FREM1: variants seen among roughly 807,000 people sequenced by gnomAD.
FREM1 encodes FRAS1 related extracellular matrix 1.
Under a neutral mutation model 210.1 loss-of-function variants are expected in FREM1, and 220 were observed. That is an observed-to-expected ratio of 1.05 (90% confidence interval 0.94 to 1.17). The LOEUF (loss-of-function observed/expected upper bound fraction) is 1.17, where lower values mean the gene tolerates loss of function less well. Among genes scored for constraint, FREM1 ranks in the 50% most tolerant of loss-of-function variants. FREM1 has a pLI of 0.00. For synonymous variants in FREM1, 1,189 were observed against 980.2 expected (o/e 1.21, Z -3.98); for missense variants, 3,454 against 2,675.5 (o/e 1.29, Z -6.42).
intron 30 of FREM1, among the ~76,000 whole-genome samples, chr9:14,749,405 T>G (rs1389430683): frequency 6.6e-6 from 1 of 151,658 alleles, no homozygotes; most frequent in Admixed American, 6.6e-5. Context: ...GAGAAGGGAA[T>G]AGATTCCAGG....
intron 10 of FREM1, among the ~76,000 whole-genome samples, chr9:14,828,818 G>A (rs1200076005): frequency 6.6e-6 from 1 of 152,096 alleles, no homozygotes; most frequent in Non-Finnish European, 1.5e-5. Flanking sequence ...GTTTACAAAT[G>A]AGTCTCTCTC....
intron 7 of FREM1, among the ~76,000 whole-genome samples, chr9:14,846,362 G>T (rs560795435): frequency 2.0e-5 from 3 of 152,224 alleles, no homozygotes; most frequent in African/African-American, 7.2e-5. Flanking sequence ...CCTGTTCGGG[G>T]GTAGAGGGGA....
At position 14,801,573 on chromosome 9, in the gene FREM1, T is replaced by G. The variant is rs1241529851; in HGVS notation, c.3694+79A>C. 3 of 995,830 alleles carry G rather than the reference T, an allele frequency of 3.0e-6. No individual in the cohort carries two copies. In the Admixed American group the frequency reaches 6.4e-5, roughly 21 times the overall value. 61.7% of individuals were successfully genotyped at this position (995,830 alleles called of 1,614,324 possible). On this transcript the variant is annotated intron_variant, in intron 20 of 36. Coordinates refer to ENST00000380880, the MANE Select transcript of FREM1 (RefSeq NM_001379081.2). ...ACTCTCTGCTTATATTAGTTTGACC[T>G]TTTTAGATTTCACATATAAGTATGG...
intron 36 of FREM1, among the ~76,000 whole-genome samples, chr9:14,738,521 A>G (rs1178810193): frequency 6.6e-6 from 1 of 152,156 alleles, no homozygotes; most frequent in Non-Finnish European, 1.5e-5. Flanking sequence ...GGATGTAGAG[A>G]AAACTTATCC....
intron 10 of FREM1, among the ~76,000 whole-genome samples, chr9:14,837,299 G>C (rs995860860): frequency 6.6e-6 from 1 of 152,100 alleles, no homozygotes; most frequent in Non-Finnish European, 1.5e-5. Flanking sequence ...TACCTGGCTG[G>C]TGTCCACCAT....
Position 14,813,035 on chromosome 9 carries a change from G to C in FREM1, c.2670C>G (p.Val890=). 6.2e-7 allele frequency: 1 copy of C among 1,612,172 alleles called. No individual in the cohort carries two copies. Among genetic ancestry groups the C allele is most frequent in the Non-Finnish European group, 8.5e-7 (1 of 1,178,604 alleles). Residue 890 remains valine (V), a synonymous_variant, in exon 16 of 37, where the codon GTC becomes GTG. Coordinates refer to ENST00000380880, the MANE Select transcript of FREM1 (RefSeq NM_001379081.2). ...EVFPVNDEPP[V]LKADLMPVMN... is the part of the protein sequence containing the mutation. Reference sequence around the variant, plus strand: ...TGACAGGCATGAGGTCAGCCTTTAAGACTGGTGGCTCATCGTTGACAGGGA... The same window carrying C: ...TGACAGGCATGAGGTCAGCCTTTAACACTGGTGGCTCATCGTTGACAGGGA...
intron 21 of FREM1, among the ~76,000 whole-genome samples, chr9:14,796,516 C>T (rs1045477033): frequency 1.3e-5 from 2 of 152,152 alleles, no homozygotes; most frequent in Non-Finnish European, 2.9e-5. Flanking sequence ...TGAGCACTTA[C>T]AGAGAGAGTG....
chr9:14,800,326 G>C (rs1853293791), intron 20 of FREM1, among the ~76,000 whole-genome samples: 1 of 152,104 alleles, frequency 6.6e-6, no homozygotes, highest in South Asian at 2.1e-4. Flanking sequence ...TACAGGCTGG[G>C]AAAAGAAAAC....
At position 14,797,614 on chromosome 9, in the gene FREM1, G is replaced by T; in HGVS notation, c.3723C>A (p.Asp1241Glu). 1 of 1,611,872 alleles carries T rather than the reference G, an allele frequency of 6.2e-7. No homozygotes were observed. The highest frequency in any genetic ancestry group is 8.5e-7 in the Non-Finnish European group (1 of 1,178,658). The change falls in exon 21 of 37, where the codon GAC (aspartate) becomes GAA (glutamate). Residue 1241 changes from aspartate (D) to glutamate (E), a missense_variant. Coordinates refer to ENST00000380880, the MANE Select transcript of FREM1 (RefSeq NM_001379081.2). ...TGMRLTYMHD[D>E]SESLADDFTI... ...TAAAATCATCAGCAAGGCTCTCTGA[G>T]TCATCATGCATGTACGTCAACCTCA...
intron 21 of FREM1, among the ~76,000 whole-genome samples, chr9:14,796,761 G>C (rs918101101): frequency 2.0e-5 from 3 of 152,154 alleles, no homozygotes; most frequent in Non-Finnish European, 4.4e-5. Context: ...GGATGTGTTT[G>C]CTTCCTCTTC....
At chr9:14,844,390 T>C (rs573791501) in intron 8 of FREM1, among the ~76,000 whole-genome samples, 2 of 152,230 alleles carry the variant, frequency 1.3e-5, no homozygotes, top group East Asian at 3.9e-4. Flanking sequence ...CATGCCGGGC[T>C]ATTTTTATGT....
chr9:14,747,093 A>C, intron 33 of FREM1, 42 bp from the exon 34 acceptor site: 1 of 1,612,348 alleles, frequency 6.2e-7, no homozygotes, highest in Non-Finnish European at 8.5e-7. Flanking sequence ...GAATTGACTT[A>C]AGGAAAGTTG....
chr9:14,882,807 G>C (rs1366496006), intron 1 of FREM1, among the ~76,000 whole-genome samples: 2 of 149,970 alleles, frequency 1.3e-5, no homozygotes, highest in African/African-American at 4.9e-5. Flanking sequence ...TTCAAAAATG[G>C]GAGGCTGAAG....
intron 16 of FREM1, among the ~76,000 whole-genome samples, chr9:14,810,504 T>G (rs752811110): frequency 7.6e-4 from 115 of 152,254 alleles, no homozygotes; most frequent in Middle Eastern, 3.4e-3. Flanking sequence ...CAGGTTGGAG[T>G]GCAGTGGCAT....
At chr9:14,812,179 A>G (rs570164564) in intron 16 of FREM1, among the ~76,000 whole-genome samples, 72 of 152,332 alleles carry the variant, frequency 4.7e-4, no homozygotes, top group African/African-American at 1.7e-3. Flanking sequence ...GCTTAGTGCT[A>G]TAAGTTACAG....
chr9:14,757,086 C>A (rs780834385), intron 28 of FREM1, among the ~76,000 whole-genome samples: 9 of 152,154 alleles, frequency 5.9e-5, no homozygotes, highest in Admixed American at 1.3e-4. Context: ...CTTTCAAGGA[C>A]CCCGTCAGGT....
At position 14,749,151 on chromosome 9, in the gene FREM1, C is replaced by G. The variant is rs111827017; in HGVS notation, c.5558-512G>C. Among the ~76,000 whole-genome samples the G allele has an allele frequency of 1.7e-3, 266 of 152,182 alleles. 1 individual carries two copies. The highest frequency in any genetic ancestry group is 6.2e-3 in the African/African-American group (258 of 41,512). On this transcript the variant is annotated intron_variant, in intron 30 of 36. Coordinates refer to ENST00000380880, the MANE Select transcript of FREM1 (RefSeq NM_001379081.2). ...TAATAGAGCGGCTCCTATTGGAAAC[C>G]TCACCAATTAGTATTTCTGGGAAGG...
intron 15 of FREM1, among the ~76,000 whole-genome samples, chr9:14,813,415 A>C (rs1006518937): frequency 2.6e-5 from 4 of 152,208 alleles, no homozygotes; most frequent in African/African-American, 9.6e-5. Flanking sequence ...CATATTCCAG[A>C]AGAATTCTGG....
At chr9:14,768,218 G>C (rs1846809159) in intron 27 of FREM1, among the ~76,000 whole-genome samples, 1 of 151,096 alleles carries the variant, frequency 6.6e-6, no homozygotes, top group East Asian at 1.9e-4. Context: ...CATTAGGTCA[G>C]TAGCAAGTCT....
Sources: allele counts gnomAD v4.1 joint callset (sites outside exome capture counted in the v4.1 genomes callset), GRCh38; gene constraint gnomAD v4.1.1; transcripts MANE v1.5; gene names NCBI Gene and HGNC (gene_info 2026-07-23, HGNC 2026-07-21).